Variants in NOMO2 observed in about 807,000 individuals in gnomAD.
The protein encoded by NOMO2 is NODAL modulator 2.
A neutral mutation model predicts 67.1 loss-of-function variants in NOMO2; 14 were observed. The ratio of observed to expected loss-of-function variants is 0.21; its 90% CI spans 0.14 to 0.33. NOMO2 has a LOEUF of 0.33. NOMO2 is among the 10% of genes least tolerant of loss of function. The pLI is 1.00. For synonymous variants in NOMO2, 80 were observed against 305.9 expected (o/e 0.26, Z 7.71); for missense variants, 178 against 761.0 (o/e 0.23, Z 9.01).
At chr16:18,536,297 T>C (rs965138636) in intron 11 of NOMO2, among the ~76,000 whole-genome samples, 1 of 152,202 alleles carries the variant, frequency 6.6e-6, no homozygotes, top group Non-Finnish European at 1.5e-5. Flanking sequence ...TAGCTAACTT[T>C]TAGTCTTTAC....
chr16:18,531,506 T>C lies in NOMO2; in HGVS notation c.1497A>G (p.Val499=). Reference sequence around the variant, plus strand: ...TCCCAGAAACTGATGCCAAGAACTGTACAAAGGCCACATCCATCACGGGCC... The same window carrying C: ...TCCCAGAAACTGATGCCAAGAACTGCACAAAGGCCACATCCATCACGGGCC... ...TDRPVMDVAF[V]QFLASVSGKV... is the part of the protein sequence containing the mutation. Residue 499 remains valine, a synonymous_variant, in exon 13 of 31, where the codon GTA becomes GTG. Transcript: ENST00000622306. 1 of 1,608,016 alleles carries C rather than the reference T, an allele frequency of 6.2e-7. No individual in the cohort carries two copies. Among genetic ancestry groups the C allele is most frequent in the Non-Finnish European group, 8.5e-7 (1 of 1,177,664 alleles).
intron 1 of NOMO2, among the ~76,000 whole-genome samples, chr16:18,558,093 C>G (rs1236702991): frequency 1.3e-5 from 2 of 150,032 alleles, no homozygotes; most frequent in Non-Finnish European, 3.0e-5. Context: ...GGGTCTAAAA[C>G]AAATTTGCAA....
intron 11 of NOMO2, among the ~76,000 whole-genome samples, chr16:18,535,942 A>G (rs867559322): frequency 2.2e-4 from 34 of 151,966 alleles, no homozygotes; most frequent in Middle Eastern, 3.4e-3. Context: ...GATTACAGGA[A>G]CGCATCACCA....
At chr16:18,553,584 A>G (rs957549033) in intron 3 of NOMO2, among the ~76,000 whole-genome samples, 1 of 150,622 alleles carries the variant, frequency 6.6e-6, no homozygotes, top group Non-Finnish European at 1.5e-5. Context: ...CTATCTTATC[A>G]TCTGGATGGT....
intron 16 of NOMO2, among the ~76,000 whole-genome samples, chr16:18,527,240 T>G (rs1244497728): frequency 7.0e-6 from 1 of 142,230 alleles, no homozygotes; most frequent in Non-Finnish European, 1.6e-5. Flanking sequence ...GAAAAAAAAA[T>G]GAGAAAGAGC....
At position 18,561,890 on chromosome 16, in the gene NOMO2, A is replaced by G; in HGVS notation, c.151T>C (p.Tyr51His). 7.7e-6 allele frequency: 12 copies of G among 1,565,850 alleles called. No homozygotes were observed. The highest frequency in any genetic ancestry group is 1.0e-5 in the Non-Finnish European group (12 of 1,158,028). ...GFVKSDVEINYSLIEIKLYTK... is the reference protein window; with the variant it reads ...GFVKSDVEINHSLIEIKLYTK... ...CGGGCGCTCACCTCGATGAGCGAGT[A>G]GTTGATCTCCACGTCCGACTTGACG... The change falls in exon 1 of 31, where the codon TAC becomes CAC. Residue 51 changes from tyrosine to histidine, a missense_variant. Tyr to His is a moderately conservative substitution (Grantham distance 83). Coordinates refer to ENST00000622306, the MANE Select transcript of NOMO2 (RefSeq NM_173614.4).
chr16:18,557,140 A>G (rs1417546484), intron 2 of NOMO2, among the ~76,000 whole-genome samples: 2 of 152,142 alleles, frequency 1.3e-5, no homozygotes, highest in East Asian at 3.9e-4. Flanking sequence ...AGAAGAAAAA[A>G]AAAACAACAA....
At chr16:18,559,973 G>C (rs1902000885) in intron 1 of NOMO2, among the ~76,000 whole-genome samples, 1 of 151,600 alleles carries the variant, frequency 6.6e-6, no homozygotes, top group Non-Finnish European at 1.5e-5. Context: ...TCCACACTGG[G>C]GACAAGGCTT....
chr16:18,528,987 AAATACAT>A, intron 15 of NOMO2, among the ~76,000 whole-genome samples: 1 of 75,224 alleles, frequency 1.3e-5, no homozygotes, highest in African/African-American at 4.7e-5. Flanking sequence ...AAAAAAAAAA[AAATACAT>A]ATATATATAT....
chr16:18,541,189 C>T (rs1436075615), intron 9 of NOMO2, among the ~76,000 whole-genome samples: 18 of 126,374 alleles, frequency 1.4e-4, no homozygotes, highest in Non-Finnish European at 2.2e-4. Context: ...CTCTTTCCGC[C>T]TCCTCCTTCC....
At chr16:18,561,760 G>C (rs1902056080) in intron 1 of NOMO2, 116 bp downstream of exon 1, 2 of 1,211,792 alleles carry the variant, frequency 1.7e-6, no homozygotes, top group Middle Eastern at 2.9e-4. Flanking sequence ...CCTCGGAAGA[G>C]GTAAGGGCTC....
intron 6 of NOMO2, among the ~76,000 whole-genome samples, chr16:18,545,183 C>G (rs1292929191): frequency 3.3e-5 from 5 of 149,730 alleles, no homozygotes; most frequent in South Asian, 2.2e-4. Context: ...GCTACCTCCC[C>G]CTCCCAGGTT....
intron 16 of NOMO2, among the ~76,000 whole-genome samples, chr16:18,526,675 T>G (rs1343223770): frequency 6.6e-6 from 1 of 151,614 alleles, no homozygotes; most frequent in Non-Finnish European, 1.5e-5. Flanking sequence ...CAGCATCGTA[T>G]GATAAACGTC....
chr16:18,560,960 C>T (rs936055643), intron 1 of NOMO2, among the ~76,000 whole-genome samples: 2 of 150,886 alleles, frequency 1.3e-5, no homozygotes, highest in African/African-American at 2.4e-5. Flanking sequence ...AAATTACCTC[C>T]GAGGCACCCG....
At chr16:18,539,628 G>A (rs1438461110) in intron 9 of NOMO2, among the ~76,000 whole-genome samples, 1 of 152,022 alleles carries the variant, frequency 6.6e-6, no homozygotes, top group South Asian at 2.1e-4. Flanking sequence ...GTGGTGGCAG[G>A]CGCCTGTAAT....
chr16:18,553,744 C>G (rs2141754730), intron 3 of NOMO2, among the ~76,000 whole-genome samples: 1 of 116,508 alleles, frequency 8.6e-6, no homozygotes, highest in Admixed American at 1.0e-4. Flanking sequence ...ATCTGGACTT[C>G]TGCTTTGGCC....
chr16:18,535,658 C>T (rs1901402084), intron 11 of NOMO2, among the ~76,000 whole-genome samples: 1 of 151,968 alleles, frequency 6.6e-6, no homozygotes, highest in Admixed American at 6.6e-5. Flanking sequence ...CATATCTCCT[C>T]CAGACAACCA....
chr16:18,536,364 T>G (rs1901422919), intron 11 of NOMO2, among the ~76,000 whole-genome samples: 2 of 152,248 alleles, frequency 1.3e-5, no homozygotes, highest in South Asian at 4.1e-4. Context: ...TTAGCTCTTC[T>G]TGCAGCACCC....
At chr16:18,544,467 C>T (rs1427550124) in intron 6 of NOMO2, among the ~76,000 whole-genome samples, 1 of 152,174 alleles carries the variant, frequency 6.6e-6, no homozygotes, top group Non-Finnish European at 1.5e-5. Flanking sequence ...TTTCTCTGTA[C>T]GTGTTGCCAA....
Sources: allele counts gnomAD v4.1 joint callset (sites outside exome capture counted in the v4.1 genomes callset), GRCh38; gene constraint gnomAD v4.1.1; transcripts MANE v1.5; gene names NCBI Gene and HGNC (gene_info 2026-07-23, HGNC 2026-07-21).